TSHZ2: variants seen among roughly 807,000 people sequenced by gnomAD.
The protein encoded by TSHZ2 is teashirt homolog 2.
TSHZ2 carries 21 observed loss-of-function variants against 74.4 expected under a neutral mutation model. That is an observed-to-expected ratio of 0.28 (90% CI 0.20 to 0.41). The LOEUF is 0.41. Ranked by LOEUF, TSHZ2 falls within the 10% of genes least tolerant of loss-of-function variation. The pLI, the probability that TSHZ2 is intolerant of heterozygous loss-of-function variation, is 1.00. For synonymous variants in TSHZ2, 540 were observed against 515.3 expected, an observed-to-expected ratio of 1.05 and a Z score of -0.65; for missense variants, 1,244 against 1,293.5, an observed-to-expected ratio of 0.96 and a Z score of 0.59.
At chr20:53,310,177 G>A (rs142543470) in intron 2 of TSHZ2, among the ~76,000 whole-genome samples, 11 of 152,278 alleles carry the variant, frequency 7.2e-5, no homozygotes, top group African/African-American at 2.4e-4. Context: ...CTAGTCCAAC[G>A]TTTCATTTTA....
chr20:53,264,830 G>A (rs1373006969), intron 2 of TSHZ2, among the ~76,000 whole-genome samples: 1 of 152,156 alleles, frequency 6.6e-6, no homozygotes, highest in East Asian at 1.9e-4. Flanking sequence ...TCGGGGAGAT[G>A]GGCAGACAAA....
At position 53,254,111 on chromosome 20, in the gene TSHZ2, G is replaced by A. The variant is rs766567178; in HGVS notation, c.653G>A (p.Arg218Gln). Residue 218 changes from arginine to glutamine, a missense_variant, in exon 2 of 3, where the codon CGA (arginine) becomes CAA (glutamine). Coordinates refer to ENST00000371497, the MANE Select transcript of TSHZ2 (RefSeq NM_173485.6). The part of the protein sequence containing the change: ...VFTGASRFRC[R>Q]QCSAAYDTLV... ...ACAGGGGCCAGCAGATTCCGATGCC[G>A]ACAGTGCAGCGCGGCCTATGACACC... 3.1e-5 allele frequency: 50 copies of A among 1,614,024 alleles called. No individual in the cohort carries two copies. Among genetic ancestry groups the A allele is most frequent in the South Asian group, 6.6e-5 (6 of 91,082 alleles).
chr20:53,387,106 G>C (rs1982074938), intron 2 of TSHZ2, among the ~76,000 whole-genome samples: 1 of 152,120 alleles, frequency 6.6e-6, no homozygotes, highest in African/African-American at 2.4e-5. Flanking sequence ...CCTAGACAGA[G>C]AGCGTCTTTA....
chr20:53,098,427 CTTTA>C (rs1330660044), intron 1 of TSHZ2, among the ~76,000 whole-genome samples: 7 of 152,152 alleles, frequency 4.6e-5, no homozygotes, highest in African/African-American at 1.4e-4. Context: ...TTTGTTCATT[CTTTA>C]TTCATTATTC....
At chr20:53,122,304 GA>G (rs1986834523) in intron 1 of TSHZ2, among the ~76,000 whole-genome samples, 1 of 75,590 alleles carries the variant, frequency 1.3e-5, no homozygotes, top group Non-Finnish European at 3.5e-5. Flanking sequence ...AAAAAAAAAA[GA>G]AAGAAAACAA....
rs1280935993 is a variant in TSHZ2 at position 53,314,667 on chromosome 20, G to C, written c.*8+58096G>C. ...GAGACAGAGTCTCACTGTCTCCCAGGCTGAAGTGTAGTGGCATGATCTCAG... is the reference window on the plus strand; with the variant it reads ...GAGACAGAGTCTCACTGTCTCCCAGCCTGAAGTGTAGTGGCATGATCTCAG... On this transcript the variant is annotated intron_variant, in intron 2 of 2. Transcript: ENST00000371497. 3.4e-5 allele frequency among the ~76,000 whole-genome samples: 5 copies of C among 148,980 alleles called. No homozygotes were observed. The East Asian group carries it at 9.8e-4, about 29-fold the overall frequency.
At chr20:53,418,977 C>T (rs189664581) in intron 2 of TSHZ2, among the ~76,000 whole-genome samples, 53 of 152,324 alleles carry the variant, frequency 3.5e-4, no homozygotes, top group Non-Finnish European at 6.8e-4. Context: ...CTCCAGCCTC[C>T]TCCACTCAGC....
intron 1 of TSHZ2, among the ~76,000 whole-genome samples, chr20:53,119,117 TG>T (rs1466644017): frequency 6.6e-6 from 1 of 152,076 alleles, no homozygotes. Context: ...CCTCCAACAC[TG>T]GGGATTACAA....
intron 1 of TSHZ2, among the ~76,000 whole-genome samples, chr20:53,226,134 AC>A (rs1989680359): frequency 2.5e-5 from 2 of 78,710 alleles, no homozygotes; most frequent in Non-Finnish European, 5.9e-5. Context: ...ACACACACAC[AC>A]ACACACACAC....
chr20:53,062,852 C>T (rs1380175203), intron 1 of TSHZ2, among the ~76,000 whole-genome samples: 2 of 152,176 alleles, frequency 1.3e-5, no homozygotes, highest in Non-Finnish European at 2.9e-5. Context: ...TCAACATGGC[C>T]TTCCCAACTC....
At chr20:53,374,061 C>G (rs539061727) in intron 2 of TSHZ2, among the ~76,000 whole-genome samples, 1 of 152,262 alleles carries the variant, frequency 6.6e-6, no homozygotes, top group Admixed American at 6.5e-5. Context: ...TTGTGAGTCA[C>G]AGGGGTCTGG....
intron 1 of TSHZ2, among the ~76,000 whole-genome samples, chr20:53,213,695 G>C (rs1319405482): frequency 1.0e-5 from 1 of 98,720 alleles, no homozygotes; most frequent in South Asian, 4.9e-4. Flanking sequence ...AAACTAATTG[G>C]ACTTTTTTTT....
intron 1 of TSHZ2, among the ~76,000 whole-genome samples, chr20:52,979,440 G>A (rs771307541): frequency 6.6e-5 from 10 of 152,136 alleles, no homozygotes; most frequent in East Asian, 5.8e-4. Flanking sequence ...CAGTGTGGCC[G>A]TATCCATATT....
chr20:53,301,051 G>A (rs922831688), intron 2 of TSHZ2, among the ~76,000 whole-genome samples: 7 of 151,664 alleles, frequency 4.6e-5, no homozygotes, highest in African/African-American at 1.5e-4. Flanking sequence ...CAACCTTCAC[G>A]TCCCCGGTTC....
chr20:53,369,190 A>G (rs779246170), intron 2 of TSHZ2, among the ~76,000 whole-genome samples: 5 of 152,162 alleles, frequency 3.3e-5, no homozygotes, highest in Admixed American at 6.5e-5. Flanking sequence ...ACCTGATCCC[A>G]GGAGGTCATG....
At chr20:53,058,623 G>A (rs902399752) in intron 1 of TSHZ2, among the ~76,000 whole-genome samples, 1 of 152,130 alleles carries the variant, frequency 6.6e-6, no homozygotes, top group Admixed American at 6.5e-5. Context: ...GACAGTAGGA[G>A]AAAAAAAGCA....
At chr20:53,397,723 A>C (rs982281731) in intron 2 of TSHZ2, 1 of 152,240 alleles carries the variant, frequency 6.6e-6, no homozygotes, top group African/African-American at 2.4e-5. Context: ...CTTGGAACCA[A>C]TCCAAATGTC....
chr20:53,175,542 C>T (rs190130599), intron 1 of TSHZ2, among the ~76,000 whole-genome samples: 125 of 152,098 alleles, frequency 8.2e-4, no homozygotes, highest in African/African-American at 2.9e-3. Context: ...CGGCTTTCTT[C>T]CAGGAAGCAT....
At chr20:53,412,214 A>T (rs1270062943) in intron 2 of TSHZ2, among the ~76,000 whole-genome samples, 1 of 152,134 alleles carries the variant, frequency 6.6e-6, no homozygotes, top group Non-Finnish European at 1.5e-5. Flanking sequence ...CCCAGTGGGA[A>T]ATTGGAGAAG....
Sources: gnomAD v4.1 joint callset for allele counts (sites outside exome capture counted in the v4.1 genomes callset) on GRCh38, gnomAD v4.1.1 for gene constraint, MANE v1.5 for transcripts, NCBI Gene and HGNC (gene_info 2026-07-23, HGNC 2026-07-21) for gene names.